The following GALNT13 variants were observed in gnomAD, a reference collection of about 807,000 sequenced individuals.
The protein encoded by GALNT13 is polypeptide N-acetylgalactosaminyltransferase 13.
In GALNT13, 28 loss-of-function variants were observed where a neutral mutation model predicts 64.2. The observed-to-expected ratio is 0.44, with a 90% confidence interval of 0.32 to 0.60. The LOEUF (loss-of-function observed/expected upper bound fraction) is 0.60, where lower values mean the gene tolerates loss of function less well. Among genes scored for constraint, GALNT13 ranks in the 20% least tolerant of loss-of-function variants. The probability of loss-of-function intolerance (pLI) is 0.05; values close to 1 mark genes in which losing one functional copy is unlikely to be tolerated. For synonymous variants in GALNT13, 214 were observed against 224.6 expected, an observed-to-expected ratio of 0.95 and a Z score of 0.42; for missense variants, 577 against 669.8, an observed-to-expected ratio of 0.86 and a Z score of 1.53.
At chr2:153,461,099 A>G in the GALNT13 span, among the ~76,000 whole-genome samples, 1 of 152,104 alleles carries the variant, frequency 6.6e-6, no homozygotes, top group Non-Finnish European at 1.5e-5. Context: ...TATCAATTGT[A>G]TATCCTTCAC....
At chr2:154,005,638 G>A (rs1030387441) in intron 3 of GALNT13, among the ~76,000 whole-genome samples, 2 of 152,092 alleles carry the variant, frequency 1.3e-5, no homozygotes, top group Non-Finnish European at 2.9e-5. Flanking sequence ...ATCTTGATGG[G>A]ACAGCTTAAA....
chr2:153,803,647 G>C, the GALNT13 span, among the ~76,000 whole-genome samples: 16 of 147,068 alleles, frequency 1.1e-4, no homozygotes, highest in African/African-American at 2.3e-4. Flanking sequence ...AGCGGAGATA[G>C]CGCCACTGCA....
At chr2:154,000,784 C>A (rs922383166) in intron 3 of GALNT13, among the ~76,000 whole-genome samples, 4 of 151,958 alleles carry the variant, frequency 2.6e-5, no homozygotes, top group African/African-American at 9.7e-5. Flanking sequence ...ATTGAATATT[C>A]TGTAAATGTC....
chr2:153,505,462 AC>A, the GALNT13 span, among the ~76,000 whole-genome samples: 1 of 151,868 alleles, frequency 6.6e-6, no homozygotes, highest in East Asian at 1.9e-4. Context: ...GTGAGATGTG[AC>A]CCCAGTTTGC....
At chr2:154,227,059 G>GCAACT (rs1242760948) in intron 4 of GALNT13, among the ~76,000 whole-genome samples, 9 of 152,156 alleles carry the variant, frequency 5.9e-5, no homozygotes, top group African/African-American at 1.7e-4. Flanking sequence ...ATCTAAAGAT[G>GCAACT]CAACTGTTCC....
At chr2:153,147,043 G>A in the GALNT13 span, among the ~76,000 whole-genome samples, 1 of 151,962 alleles carries the variant, frequency 6.6e-6, no homozygotes, top group Non-Finnish European at 1.5e-5. Context: ...CTACTCTGAA[G>A]AATAGGTTAG....
At chr2:153,346,224 C>G in the GALNT13 span, among the ~76,000 whole-genome samples, 1 of 152,138 alleles carries the variant, frequency 6.6e-6, no homozygotes, top group African/African-American at 2.4e-5. Flanking sequence ...TGCCCAGCCT[C>G]CTACAAAACT....
the GALNT13 span, among the ~76,000 whole-genome samples, chr2:153,417,245 A>G: frequency 6.6e-6 from 1 of 152,198 alleles, no homozygotes; most frequent in Non-Finnish European, 1.5e-5. Flanking sequence ...CCAGAGAAAA[A>G]TAATAGAAGA....
the GALNT13 span, among the ~76,000 whole-genome samples, chr2:153,361,825 C>A: frequency 2.0e-5 from 3 of 151,996 alleles, no homozygotes; most frequent in African/African-American, 7.2e-5. Context: ...GGAAAACTTC[C>A]CCAGCCTAGC....
intron 3 of GALNT13, among the ~76,000 whole-genome samples, chr2:153,973,599 CT>C (rs530914332): frequency 3.3e-5 from 5 of 150,858 alleles, no homozygotes; most frequent in Non-Finnish European, 5.9e-5. Flanking sequence ...TTCTTTTTTT[CT>C]TTTTTTTGTG....
At chr2:154,425,057 A>G (rs1410060160) in intron 11 of GALNT13, among the ~76,000 whole-genome samples, 1 of 152,176 alleles carries the variant, frequency 6.6e-6, no homozygotes, top group Non-Finnish European at 1.5e-5. Context: ...CCCTTTACAG[A>G]TAGAGAGTTG....
chr2:153,079,414 T>A, the GALNT13 span, among the ~76,000 whole-genome samples: 1 of 152,078 alleles, frequency 6.6e-6, no homozygotes, highest in Non-Finnish European at 1.5e-5. Context: ...AAGGAGGAAG[T>A]ATTTTGATTT....
intron 9 of GALNT13, among the ~76,000 whole-genome samples, chr2:154,379,255 C>T (rs554321544): frequency 6.2e-4 from 95 of 152,082 alleles, no homozygotes; most frequent in South Asian, 4.1e-3. Context: ...ACCAATATGT[C>T]TTAATAAAAT....
the GALNT13 span, among the ~76,000 whole-genome samples, chr2:153,621,831 CT>C: frequency 6.6e-6 from 1 of 152,060 alleles, no homozygotes; most frequent in Non-Finnish European, 1.5e-5. Flanking sequence ...GGAGCTCACC[CT>C]TTAGGTCAGT....
At chr2:154,206,976 AC>A (rs906565166) in intron 4 of GALNT13, among the ~76,000 whole-genome samples, 1 of 152,134 alleles carries the variant, frequency 6.6e-6, no homozygotes, top group Non-Finnish European at 1.5e-5. Flanking sequence ...ACTACTTTTT[AC>A]CATGATAATT....
At chr2:153,581,652 G>C in the GALNT13 span, among the ~76,000 whole-genome samples, 2 of 151,844 alleles carry the variant, frequency 1.3e-5, no homozygotes, top group South Asian at 2.1e-4. Context: ...TTTGATAAGA[G>C]TAAAACTTAT....
At chr2:153,926,921 T>C (rs1238939186) in intron 2 of GALNT13, among the ~76,000 whole-genome samples, 1 of 152,140 alleles carries the variant, frequency 6.6e-6, no homozygotes, top group East Asian at 1.9e-4. Context: ...AGAAGCACAA[T>C]GAAAATTCCC....
chr2:153,801,845 A>T, the GALNT13 span, among the ~76,000 whole-genome samples: 2 of 152,008 alleles, frequency 1.3e-5, no homozygotes, highest in African/African-American at 4.8e-5. Flanking sequence ...TTTTGTATTT[A>T]TTGTTTCCAC....
At chr2:153,211,522 A>G in the GALNT13 span, among the ~76,000 whole-genome samples, 2 of 152,166 alleles carry the variant, frequency 1.3e-5, no homozygotes. Context: ...AAAAGCAACC[A>G]TGTTTATTTT....
Sources: allele counts gnomAD v4.1 joint callset (sites outside exome capture counted in the v4.1 genomes callset), GRCh38; gene constraint gnomAD v4.1.1; transcripts MANE v1.5; gene names NCBI Gene and HGNC (gene_info 2026-07-23, HGNC 2026-07-21).